HEPHL1: variants seen among roughly 807,000 people sequenced by gnomAD.
HEPHL1 encodes ferroxidase HEPHL1.
Under a neutral mutation model 122.0 loss-of-function variants are expected in HEPHL1, and 123 were observed. The observed-to-expected ratio is 1.01, with a 90% CI of 0.87 to 1.17. The LOEUF is 1.17. Among genes scored for constraint, HEPHL1 ranks in the 50% most tolerant of loss-of-function variants. The pLI is 0.00. For missense variants in HEPHL1, 1,452 were observed against 1,430.5 expected, an observed-to-expected ratio of 1.01 and a Z score of -0.24; for synonymous variants, 527 against 508.9, an observed-to-expected ratio of 1.04 and a Z score of -0.48.
At position 94,088,735 on chromosome 11, in the gene HEPHL1, C is replaced by T. The variant is rs1254976169; in HGVS notation, c.2081-20C>T. 3 of 1,593,718 alleles carry T rather than the reference C, an allele frequency of 1.9e-6. No homozygotes were observed. Among genetic ancestry groups the T allele is most frequent in the Non-Finnish European group, 2.6e-6 (3 of 1,165,872 alleles). On this transcript the variant is annotated intron_variant, in intron 11 of 19. Transcript: ENST00000315765. ...AAAATACCGAGCACCACACTCAATG[C>T]CGAGCCATTTCTCTTGCAGGTATTT...
At position 94,064,339 on chromosome 11, in the gene HEPHL1, A is replaced by AATAG; in HGVS notation, c.641_644dup (p.Tyr215Ter). On this transcript the variant is annotated frameshift_variant, in exon 4 of 20. Coordinates refer to ENST00000315765, the MANE Select transcript of HEPHL1 (RefSeq NM_001098672.2). LOFTEE classifies it high-confidence loss of function. ...TTGAATGTGCCTGACAGGTATCCTG[A>AATAG]ATAGATATTCAGGGACACGGAATGA... The AATAG allele has an allele frequency of 1.9e-6, 3 of 1,611,568 alleles. No homozygotes were observed. In the South Asian group the frequency reaches 3.3e-5, roughly 18 times the overall value.
rs565844870 is a variant in HEPHL1, at chr11:94,099,927, C to T, written c.2435-1268C>T. Among the ~76,000 whole-genome samples, 68 of 152,216 alleles carry T rather than the reference C, an allele frequency of 4.5e-4. 2 individuals carry two copies. In the South Asian group the frequency reaches 0.011, roughly 25 times the overall value. On this transcript the variant is annotated intron_variant, in intron 13 of 19. Transcript: ENST00000315765. ...GCCATCTGTCACAGCTTCCCTTGGT[C>T]GGAAAGGGAATTCCCTGACCCCTTG... is the stretch of plus-strand genomic sequence containing the variant.
chr11:94,042,883 A>AAAAAAACAAAAAACAAAC lies in HEPHL1; in HGVS notation c.171-2784_171-2783insCAAAAAACAAACAAAAAA, dbSNP rs1555058780. Among the ~76,000 whole-genome samples the AAAAAAACAAAAAACAAAC allele has an allele frequency of 1.4e-3, 186 of 132,406 alleles. 2 individuals carry two copies. In the South Asian group the frequency reaches 0.017, roughly 12 times the overall value. 86.9% of individuals were successfully genotyped at this position (132,406 alleles called of 152,430 possible). On this transcript the variant is annotated intron_variant, in intron 1 of 19. Coordinates refer to ENST00000315765, the MANE Select transcript of HEPHL1 (RefSeq NM_001098672.2). Reference sequence around the variant, plus strand: ...TAAAACTTAAAGTATAATAAAAAAAAAAAAAAAAAACTGCATGAATTGCTC... The same window carrying AAAAAAACAAAAAACAAAC: ...TAAAACTTAAAGTATAATAAAAAAAAAAAAAACAAAAAACAAACAAAAAAAAAACTGCATGAATTGCTC...
At position 94,103,008 on chromosome 11, in the gene HEPHL1, A is replaced by G. The variant is rs1207718778; in HGVS notation, c.2670A>G (p.Val890=). ...TTCCATGGGTTTACTATTCAACAGTAAACTTTGTGAAGGTAAGGTGGAGAA... is the reference window on the plus strand; with the variant it reads ...TTCCATGGGTTTACTATTCAACAGTGAACTTTGTGAAGGTAAGGTGGAGAA... ...NCIPWVYYST[V]NFVKDTYSGL... Residue 890 remains valine, a synonymous_variant, in exon 15 of 20, where the codon GTA becomes GTG. Coordinates refer to ENST00000315765, the MANE Select transcript of HEPHL1 (RefSeq NM_001098672.2). 1.3e-6 allele frequency: 2 copies of G among 1,589,918 alleles called. No homozygotes were observed. The highest frequency in any genetic ancestry group is 1.7e-6 in the Non-Finnish European group (2 of 1,158,026).
chr11:94,042,901 A>G, intron 1 of HEPHL1, among the ~76,000 whole-genome samples: 1 of 150,134 alleles, frequency 6.7e-6, no homozygotes, highest in Non-Finnish European at 1.5e-5. Context: ...AAACTGCATG[A>G]ATTGCTCATT....
chr11:94,093,971 G>GATATATATATATATATATAT lies in HEPHL1; in HGVS notation c.2434+355_2434+374dup, dbSNP rs201036709. 1.5e-3 allele frequency among the ~76,000 whole-genome samples: 106 copies of GATATATATATATATATATAT among 72,638 alleles called. 1 individual carries two copies. Among genetic ancestry groups the GATATATATATATATATATAT allele is most frequent in the Middle Eastern group, 9.8e-3 (1 of 102 alleles). 47.7% of individuals were successfully genotyped at this position (72,638 alleles called of 152,430 possible). ...AAATTTTCTTTTAAATCCTCCAGCAGATATATATATATATATATATATATA... is the reference window on the plus strand; with the variant it reads ...AAATTTTCTTTTAAATCCTCCAGCAGATATATATATATATATATATATATATATATATATATATATATATA... On this transcript the variant is annotated intron_variant, in intron 13 of 19. Transcript: ENST00000315765.
At chr11:94,051,970 G>A (rs1350565351) in intron 2 of HEPHL1, among the ~76,000 whole-genome samples, 1 of 152,000 alleles carries the variant, frequency 6.6e-6, no homozygotes. Context: ...TTTATTTCCA[G>A]GTTCTCTATT....
intron 1 of HEPHL1, among the ~76,000 whole-genome samples, chr11:94,042,808 T>C (rs1053782716): frequency 4.4e-5 from 6 of 136,478 alleles, no homozygotes; most frequent in Admixed American, 8.2e-5. Context: ...CGCACCAGCA[T>C]GGCACATGTA....
In HEPHL1 at chr11:94,089,054, C is replaced by T. The variant is rs1946243045; in HGVS notation, c.2294+86C>T. The T allele has an allele frequency of 2.5e-6, 3 of 1,219,918 alleles. No homozygotes were observed. The African/African-American group carries it at 4.5e-5, about 18-fold the overall frequency. 75.6% of individuals were successfully genotyped at this position (1,219,918 alleles called of 1,614,324 possible). A position where few individuals can be genotyped will look rare whatever the true frequency, so the allele number is the denominator to read the frequency against. The stretch of plus-strand genomic sequence containing the variant: ...AGTAAGTGTGGCTCCCTGCAAATTC[C>T]CAGGTTGTGTCTCCACAGTTCCGGC... On this transcript the variant is annotated intron_variant, in intron 12 of 19. Transcript: ENST00000315765.
At chr11:94,043,065 A>G (rs1945801120) in intron 1 of HEPHL1, among the ~76,000 whole-genome samples, 2 of 152,088 alleles carry the variant, frequency 1.3e-5, no homozygotes, top group African/African-American at 4.8e-5. Context: ...GTGCTCCATG[A>G]TACCTGACAC....
intron 12 of HEPHL1, among the ~76,000 whole-genome samples, chr11:94,090,895 CT>C: frequency 6.6e-6 from 1 of 152,260 alleles, no homozygotes; most frequent in East Asian, 1.9e-4. Flanking sequence ...TTCTTTGGGG[CT>C]TCCTAAAACA....
intron 12 of HEPHL1, among the ~76,000 whole-genome samples, chr11:94,092,451 A>G (rs1051902908): frequency 2.0e-5 from 3 of 152,216 alleles, no homozygotes; most frequent in Admixed American, 2.0e-4. Context: ...ACACATTTTC[A>G]GCTGAGGTCA....
chr11:94,064,716 A>G (rs1341875351), intron 4 of HEPHL1, among the ~76,000 whole-genome samples: 1 of 152,168 alleles, frequency 6.6e-6, no homozygotes, highest in Non-Finnish European at 1.5e-5. Flanking sequence ...TGCATGCTAA[A>G]TTGGGCATGC....
chr11:94,042,506 A>C (rs1481113226), intron 1 of HEPHL1, among the ~76,000 whole-genome samples: 2 of 148,116 alleles, frequency 1.4e-5, no homozygotes, highest in Non-Finnish European at 1.5e-5. Flanking sequence ...CTGGATTAAG[A>C]AAATGTGGCA....
intron 6 of HEPHL1, 21 bp from the exon 7 acceptor site, chr11:94,073,004 C>G: frequency 6.2e-7 from 1 of 1,607,560 alleles, no homozygotes; most frequent in Non-Finnish European, 8.5e-7. Context: ...TGTCCTCAAT[C>G]ACATTCCTAT....
chr11:94,029,748 T>C (rs1444466584), intron 1 of HEPHL1, among the ~76,000 whole-genome samples: 1 of 152,188 alleles, frequency 6.6e-6, no homozygotes, highest in East Asian at 1.9e-4. Context: ...TGAAAAACAG[T>C]CAATGTATAA....
At chr11:94,046,457 T>G (rs573863759) in intron 2 of HEPHL1, among the ~76,000 whole-genome samples, 8 of 150,272 alleles carry the variant, frequency 5.3e-5, no homozygotes, top group Non-Finnish European at 1.2e-4. Flanking sequence ...CTCTTCTTTA[T>G]GTTGACACAG....
chr11:94,101,680 C>T (rs1237760645), intron 14 of HEPHL1, among the ~76,000 whole-genome samples: 3 of 152,150 alleles, frequency 2.0e-5, no homozygotes, highest in African/African-American at 7.2e-5. Context: ...TTGACAAATG[C>T]ACAACAACAT....
In HEPHL1 at chr11:94,112,281, G is replaced by T. The variant is rs1946456737; in HGVS notation, c.*387G>T. 6.3e-6 allele frequency: 1 copy of T among 157,502 alleles called. No individual in the cohort carries two copies. The highest frequency in any genetic ancestry group is 2.0e-4 in the South Asian group (1 of 4,884). 9.8% of individuals were successfully genotyped at this position (157,502 alleles called of 1,614,324 possible). ...TCTAGGTGAACAGCTTCTAGAAAAA[G>T]TTAGAGTGCCTCAGACATTTAACTG... On this transcript the variant is annotated 3_prime_UTR_variant, in exon 20 of 20. Transcript: ENST00000315765.
Sources: gnomAD v4.1 joint callset for allele counts (sites outside exome capture counted in the v4.1 genomes callset) on GRCh38, gnomAD v4.1.1 for gene constraint, MANE v1.5 for transcripts, NCBI Gene and HGNC (gene_info 2026-07-23, HGNC 2026-07-21) for gene names.